The following MYO5B variants were observed in gnomAD, a reference collection of about 807,000 sequenced individuals.
The protein encoded by MYO5B is myosin VB.
Under a neutral mutation model 229.3 loss-of-function variants are expected in MYO5B, and 143 were observed. The ratio of observed to expected loss-of-function variants is 0.62; its 90% CI spans 0.54 to 0.72. The LOEUF (loss-of-function observed/expected upper bound fraction) is 0.72, where lower values mean the gene tolerates loss of function less well. Ranked by LOEUF, MYO5B falls within the 30% of genes least tolerant of loss-of-function variation. The pLI is 0.00. For missense variants in MYO5B, 2,321 were observed against 2,331.0 expected, an observed-to-expected ratio of 1.00 and a Z score of 0.09; for synonymous variants, 918 against 885.2, an observed-to-expected ratio of 1.04 and a Z score of -0.66.
At chr18:49,954,463 G>T (rs201361679) in intron 12 of MYO5B, 28 bp from the exon 13 acceptor site, 32 of 1,613,464 alleles carry the variant, frequency 2.0e-5, no homozygotes, top group Non-Finnish European at 2.5e-5. Flanking sequence ...AGGGCAGAGC[G>T]CTTTGTGAAG....
At chr18:50,152,305 G>A (rs1184384362) in intron 1 of MYO5B, among the ~76,000 whole-genome samples, 1 of 152,146 alleles carries the variant, frequency 6.6e-6, no homozygotes, top group Non-Finnish European at 1.5e-5. Flanking sequence ...GGTGTTTAGG[G>A]GCTTAACCCA....
At chr18:49,960,278 G>C (rs1004921606) in intron 12 of MYO5B, among the ~76,000 whole-genome samples, 3 of 152,182 alleles carry the variant, frequency 2.0e-5, no homozygotes, top group Non-Finnish European at 2.9e-5. Context: ...ACAGTGCAAT[G>C]TATTATTCAC....
At chr18:50,042,177 T>C (rs1203160815) in intron 2 of MYO5B, among the ~76,000 whole-genome samples, 3 of 152,212 alleles carry the variant, frequency 2.0e-5, no homozygotes. Context: ...TGATGAACTC[T>C]TCCTTCCTTG....
chr18:50,134,029 T>C (rs970371875), intron 1 of MYO5B, among the ~76,000 whole-genome samples: 14 of 152,118 alleles, frequency 9.2e-5, no homozygotes, highest in African/African-American at 2.7e-4. Context: ...ATACAAGATA[T>C]ATAGATATAG....
chr18:50,162,731 G>A (rs2032786103), intron 1 of MYO5B, among the ~76,000 whole-genome samples: 1 of 152,220 alleles, frequency 6.6e-6, no homozygotes, highest in South Asian at 2.1e-4. Flanking sequence ...AGAATCCACT[G>A]CCTCTAAGTG....
chr18:50,095,447 T>G (rs2031532526), intron 1 of MYO5B, among the ~76,000 whole-genome samples: 1 of 152,236 alleles, frequency 6.6e-6, no homozygotes, highest in African/African-American at 2.4e-5. Flanking sequence ...ACATTTCTGC[T>G]TCTCCACTAG....
intron 4 of MYO5B, among the ~76,000 whole-genome samples, chr18:50,015,303 T>C (rs1241899482): frequency 1.3e-5 from 2 of 152,170 alleles, no homozygotes; most frequent in Non-Finnish European, 2.9e-5. Flanking sequence ...GCTTTCCCCA[T>C]GAGTAGGGGA....
intron 27 of MYO5B, among the ~76,000 whole-genome samples, chr18:49,864,821 G>C (rs560462): frequency 0.65 from 98,484 of 152,076 alleles, 32,276 homozygotes; most frequent in Admixed American, 0.76. Context: ...CAGAGAACCC[G>C]TTGCTCCCTA....
intron 17 of MYO5B, among the ~76,000 whole-genome samples, chr18:49,912,625 C>G (rs144056634): frequency 2.6e-4 from 40 of 152,252 alleles, no homozygotes; most frequent in African/African-American, 8.4e-4. Context: ...AAGGGGTTTC[C>G]CTTTTCACTT....
chr18:49,897,145 C>T (rs920735793), intron 21 of MYO5B, among the ~76,000 whole-genome samples: 13 of 152,236 alleles, frequency 8.5e-5, no homozygotes, highest in Non-Finnish European at 1.3e-4. Flanking sequence ...CTTGTGGAGG[C>T]GGTGCATTTT....
chr18:49,879,908 T>G (rs549592785), intron 23 of MYO5B, among the ~76,000 whole-genome samples: 1 of 152,220 alleles, frequency 6.6e-6, no homozygotes, highest in East Asian at 1.9e-4. Context: ...GATGCGTGGA[T>G]GGACATGAAA....
intron 2 of MYO5B, among the ~76,000 whole-genome samples, chr18:50,050,178 T>C (rs1037761541): frequency 2.4e-4 from 37 of 152,196 alleles, no homozygotes; most frequent in African/African-American, 8.9e-4. Context: ...ACCAGCATTA[T>C]AAGAACTAAA....
intron 1 of MYO5B, among the ~76,000 whole-genome samples, chr18:50,113,269 C>T (rs1263964499): frequency 6.6e-6 from 1 of 152,202 alleles, no homozygotes; most frequent in Non-Finnish European, 1.5e-5. Context: ...CAGGAAGCTT[C>T]GCATCCTAAA....
chr18:49,984,431 G>A (rs560166767), intron 8 of MYO5B, among the ~76,000 whole-genome samples: 7 of 152,334 alleles, frequency 4.6e-5, no homozygotes, highest in African/African-American at 4.8e-5. Context: ...CTTTGCCTCC[G>A]TTGGTTCCAA....
intron 5 of MYO5B, among the ~76,000 whole-genome samples, chr18:49,997,369 CTTTTTTTTTT>C (rs34011258): frequency 1.7e-5 from 1 of 60,348 alleles, no homozygotes; most frequent in Non-Finnish European, 2.7e-5. Flanking sequence ...TCCTTTCTTT[CTTTTTTTTTT>C]TTTTTTTTTT....
At chr18:50,163,747 G>A (rs1359236828) in intron 1 of MYO5B, among the ~76,000 whole-genome samples, 1 of 152,202 alleles carries the variant, frequency 6.6e-6, no homozygotes, top group African/African-American at 2.4e-5. Context: ...AACCAGACTT[G>A]TTCAAGCTGC....
chr18:49,864,820 C>T (rs538151971), intron 27 of MYO5B, among the ~76,000 whole-genome samples: 1 of 152,264 alleles, frequency 6.6e-6, no homozygotes, highest in East Asian at 1.9e-4. Context: ...CCAGAGAACC[C>T]GTTGCTCCCT....
In MYO5B at chr18:50,193,111, T is replaced by TG. The variant is rs1475886734; in HGVS notation, c.27+1655dup. On this transcript the variant is annotated intron_variant, in intron 1 of 39. Coordinates refer to ENST00000285039, the MANE Select transcript of MYO5B (RefSeq NM_001080467.3). The stretch of plus-strand genomic sequence containing the variant: ...AGTTCAGATTTTTCCCCTGCCTCAC[T>TG]GGCTTCCAGCCTCCAGTCCCAGCTC... 2.0e-5 allele frequency among the ~76,000 whole-genome samples: 3 copies of TG among 152,360 alleles called. No homozygotes were observed. In the East Asian group the frequency reaches 5.8e-4, roughly 29 times the overall value.
intron 1 of MYO5B, among the ~76,000 whole-genome samples, chr18:50,060,816 T>G (rs1171700348): frequency 1.3e-5 from 2 of 152,180 alleles, no homozygotes; most frequent in East Asian, 3.9e-4. Context: ...TTTCACAAAT[T>G]CCCATTGCCA....
Sources: gnomAD v4.1 joint callset for allele counts (sites outside exome capture counted in the v4.1 genomes callset) on GRCh38, gnomAD v4.1.1 for gene constraint, MANE v1.5 for transcripts, NCBI Gene and HGNC (gene_info 2026-07-23, HGNC 2026-07-21) for gene names.